Variants in PLEKHG1 observed in about 807,000 individuals in gnomAD.
PLEKHG1 encodes the protein pleckstrin homology domain-containing family G member 1.
Under a neutral mutation model 100.8 loss-of-function variants are expected in PLEKHG1, and 44 were observed. The ratio of observed to expected loss-of-function variants is 0.44; its 90% CI spans 0.34 to 0.56. The LOEUF is 0.56. Among genes scored for constraint, PLEKHG1 ranks in the 20% least tolerant of loss-of-function variants. The probability of loss-of-function intolerance (pLI) is 0.01; values close to 1 mark genes in which losing one functional copy is unlikely to be tolerated. For missense variants in PLEKHG1, 1,545 were observed against 1,720.9 expected (o/e 0.90, Z 1.81); for synonymous variants, 640 against 662.5 (o/e 0.97, Z 0.52).
intron 7 of PLEKHG1, among the ~76,000 whole-genome samples, chr6:150,807,959 ACT>A (rs1329506298): frequency 6.6e-6 from 1 of 152,116 alleles, no homozygotes; most frequent in Admixed American, 6.5e-5. Flanking sequence ...ACAGAGCGAG[ACT>A]CTGTCTCAAA....
At chr6:150,826,032 T>A (rs963280717) in intron 14 of PLEKHG1, among the ~76,000 whole-genome samples, 1 of 151,174 alleles carries the variant, frequency 6.6e-6, no homozygotes, top group Non-Finnish European at 1.5e-5. Context: ...TACAAAAAAA[T>A]CAGCAGGGCG....
rs1298647734 is a variant in PLEKHG1, at chr6:150,831,721, C to T, written c.2610C>T (p.Asp870=). ...CTGTGAGCAAGGATGATGTGCCAGACAGGCTGCACGCAGAGAGCACCCCTG... is the reference window on the plus strand; with the variant it reads ...CTGTGAGCAAGGATGATGTGCCAGATAGGCTGCACGCAGAGAGCACCCCTG... Residue 870 remains aspartate (D), a synonymous_variant, in exon 15 of 16, where the codon GAC becomes GAT. Coordinates refer to ENST00000358517, the Ensembl canonical transcript of PLEKHG1. The surrounding 1 kb of genome is among the most constrained non-coding windows in gnomAD (Gnocchi z 4.1). 2 of 1,613,374 alleles carry T rather than the reference C, an allele frequency of 1.2e-6. No homozygotes were observed.
chr6:150,792,700 C>A (rs1041027232), intron 4 of PLEKHG1, among the ~76,000 whole-genome samples: 3 of 148,468 alleles, frequency 2.0e-5, no homozygotes, highest in Non-Finnish European at 3.0e-5. Flanking sequence ...CAAAAAAAAA[C>A]CACACCACTT....
intron 3 of PLEKHG1, among the ~76,000 whole-genome samples, chr6:150,781,235 T>C (rs1363550134): frequency 2.7e-5 from 4 of 149,220 alleles, no homozygotes; most frequent in African/African-American, 9.8e-5. Context: ...CTGGGCACGG[T>C]GGCTCACACC....
rs565121317 is a variant in PLEKHG1 at position 150,628,527 on chromosome 6, AACACACACACACACACACAC to A, written c.-203-9522_-203-9503del. On this transcript the variant is annotated intron_variant, in intron 1 of 3. Coordinates refer to the PLEKHG1 transcript ENST00000367326. ...TTTTGGGATGGTATGTAGATAGGAA[AACACACACACACACACACAC>A]ACACACACACACACACACACACACA... Among the ~76,000 whole-genome samples, 900 of 94,784 alleles carry A rather than the reference AACACACACACACACACACAC, an allele frequency of 9.5e-3. 17 individuals carry two copies. Among genetic ancestry groups the A allele is most frequent in the Middle Eastern group, 0.038 (6 of 156 alleles). 62.2% of individuals were successfully genotyped at this position (94,784 alleles called of 152,430 possible). A position where few individuals can be genotyped will look rare whatever the true frequency, so the allele number is the denominator to read the frequency against.
At chr6:150,843,650 G>T (rs998516487) in exon 16 of PLEKHG1, 1 of 152,186 alleles carries the variant, frequency 6.6e-6, no homozygotes, top group Non-Finnish European at 1.5e-5. Flanking sequence ...AATAAAGTTT[G>T]TAAAGTACAA....
At chr6:150,673,437 G>A (rs1369086455) in intron 3 of PLEKHG1, among the ~76,000 whole-genome samples, 1 of 152,076 alleles carries the variant, frequency 6.6e-6, no homozygotes, top group African/African-American at 2.4e-5. Context: ...ATTTTCTTTG[G>A]CCTGTCTATA....
chr6:150,736,852 G>A (rs112935603), intron 2 of PLEKHG1, among the ~76,000 whole-genome samples: 40 of 152,190 alleles, frequency 2.6e-4, no homozygotes, highest in African/African-American at 9.4e-4. Context: ...ACCTTAATGA[G>A]TGATTTTACC....
chr6:150,609,619 G>T (rs978540990), intron 1 of PLEKHG1, among the ~76,000 whole-genome samples: 10 of 152,136 alleles, frequency 6.6e-5, no homozygotes, highest in African/African-American at 2.4e-4. Context: ...GCAGTGTGAT[G>T]CAAAGCTACG....
chr6:150,824,271 A>G (rs1162090193), intron 14 of PLEKHG1, among the ~76,000 whole-genome samples: 1 of 152,234 alleles, frequency 6.6e-6, no homozygotes, highest in Non-Finnish European at 1.5e-5. Flanking sequence ...TTGCCTATGA[A>G]GAATAGGTAT....
upstream of PLEKHG1, among the ~76,000 whole-genome samples, chr6:150,718,017 G>A (rs1781507593): frequency 6.6e-6 from 1 of 152,228 alleles, no homozygotes; most frequent in Non-Finnish European, 1.5e-5. Flanking sequence ...GGCAGAGGTT[G>A]CAGTAGGCCG....
intron 6 of PLEKHG1, 115 bp downstream of exon 7, chr6:150,800,984 C>G (rs779295149): frequency 3.6e-6 from 3 of 823,628 alleles, no homozygotes; most frequent in Non-Finnish European, 5.8e-6. Flanking sequence ...ATTTCCCACA[C>G]TCATATTTCA....
exon 16 of PLEKHG1, chr6:150,840,756 C>T: frequency 6.2e-7 from 1 of 1,614,164 alleles, no homozygotes; most frequent in Non-Finnish European, 8.5e-7. Flanking sequence ...CAAACTTGGC[C>T]TTTCACCATA....
chr6:150,643,515 C>T (rs1207546822), intron 2 of PLEKHG1, among the ~76,000 whole-genome samples: 1 of 152,136 alleles, frequency 6.6e-6, no homozygotes, highest in African/African-American at 2.4e-5. Context: ...GCATGTGGTG[C>T]CTGATGAGAC....
At chr6:150,802,038 A>G (rs1035308075) in intron 6 of PLEKHG1, among the ~76,000 whole-genome samples, 1 of 152,190 alleles carries the variant, frequency 6.6e-6, no homozygotes, top group African/African-American at 2.4e-5. Flanking sequence ...GTTCCTCTCC[A>G]CGTCAACAGG....
intron 3 of PLEKHG1, among the ~76,000 whole-genome samples, chr6:150,769,701 C>T (rs1784622167): frequency 6.6e-6 from 1 of 152,108 alleles, no homozygotes; most frequent in Non-Finnish European, 1.5e-5. Flanking sequence ...AGCAAAGCCC[C>T]CTGTATGTGT....
chr6:150,713,241 T>C (rs1781301457), intron 3 of PLEKHG1, among the ~76,000 whole-genome samples: 1 of 152,140 alleles, frequency 6.6e-6, no homozygotes, highest in Admixed American at 6.6e-5. Context: ...AATACTGATA[T>C]ACTAAGGTCA....
chr6:150,765,428 A>G (rs1784407533), intron 2 of PLEKHG1, among the ~76,000 whole-genome samples: 2 of 150,716 alleles, frequency 1.3e-5, no homozygotes, highest in Admixed American at 6.6e-5. Context: ...TGGGAGGTGG[A>G]GGTCGTAGTG....
intron 3 of PLEKHG1, among the ~76,000 whole-genome samples, chr6:150,659,456 G>C (rs913112605): frequency 1.3e-5 from 2 of 152,146 alleles, no homozygotes; most frequent in Admixed American, 1.3e-4. Flanking sequence ...GGAGGCCTCA[G>C]GCAAGTTATT....
Sources: allele counts gnomAD v4.1 joint callset (sites outside exome capture counted in the v4.1 genomes callset), GRCh38; gene constraint gnomAD v4.1.1; non-coding constraint Gnocchi (gnomAD v3.1); transcripts MANE v1.5; gene names NCBI Gene and HGNC (gene_info 2026-07-23, HGNC 2026-07-21).